The following PPP3CA variants were observed in gnomAD, a reference collection of about 807,000 sequenced individuals.
PPP3CA encodes the protein CAM-PRP catalytic subunit.
In PPP3CA, 14 loss-of-function variants were observed where a neutral mutation model predicts 66.5. That is an observed-to-expected ratio of 0.21 (90% CI 0.14 to 0.33). The LOEUF (loss-of-function observed/expected upper bound fraction) is 0.33. Ranked by LOEUF, PPP3CA falls within the 10% of genes least tolerant of loss-of-function variation. The pLI is 1.00. For missense variants in PPP3CA, 317 were observed against 639.5 expected, an observed-to-expected ratio of 0.50 and a Z score of 5.44; for synonymous variants, 232 against 226.2, an observed-to-expected ratio of 1.03 and a Z score of -0.23.
intron 2 of PPP3CA, among the ~76,000 whole-genome samples, chr4:101,132,413 G>T (rs948777776): frequency 6.6e-6 from 1 of 151,926 alleles, no homozygotes; most frequent in Non-Finnish European, 1.5e-5. Context: ...AATGATAAAG[G>T]GGTGATCACC....
chr4:101,154,330 A>G (rs1188042163), intron 2 of PPP3CA, among the ~76,000 whole-genome samples: 1 of 152,230 alleles, frequency 6.6e-6, no homozygotes, highest in Non-Finnish European at 1.5e-5. Context: ...CCAAAGTAAC[A>G]TATCAAGTAA....
chr4:101,263,747 T>C (rs972190124), intron 1 of PPP3CA, among the ~76,000 whole-genome samples: 2 of 152,142 alleles, frequency 1.3e-5, no homozygotes, highest in Non-Finnish European at 2.9e-5. Flanking sequence ...TTGTCAGTTC[T>C]TTTGTTCAGA....
chr4:101,158,086 A>C (rs1448709306), intron 2 of PPP3CA: 3 of 152,220 alleles, frequency 2.0e-5, no homozygotes, highest in Non-Finnish European at 1.5e-5. Flanking sequence ...TTTGCACGAG[A>C]AGCTTTCAGA....
chr4:101,161,670 G>A lies in PPP3CA; in HGVS notation c.259+34246C>T, dbSNP rs146227342. The stretch of plus-strand genomic sequence containing the variant: ...ATCTCTTTTTAACACATACAGGTGA[G>A]AGCTTTACAATACTTGGTAAACAAT... On this transcript the variant is annotated intron_variant, in intron 2 of 13. Coordinates refer to ENST00000394854, the MANE Select transcript of PPP3CA (RefSeq NM_000944.5). Among the ~76,000 whole-genome samples the A allele has an allele frequency of 5.4e-3, 825 of 152,248 alleles. 3 individuals are homozygous for A. Among genetic ancestry groups the A allele is most frequent in the Non-Finnish European group, 9.5e-3 (645 of 68,028 alleles).
Position 101,168,418 on chromosome 4 carries a change from G to A in PPP3CA, c.259+27498C>T, listed in dbSNP as rs559193778. ...TGAGACTGGACAGAGGAAAGGACCG[G>A]GCTAAAGATGAGAATATTTAGGAAT... On this transcript the variant is annotated intron_variant, in intron 2 of 13. Coordinates refer to ENST00000394854, the MANE Select transcript of PPP3CA (RefSeq NM_000944.5). 2.0e-4 allele frequency among the ~76,000 whole-genome samples: 31 copies of A among 152,196 alleles called. No homozygotes were observed. In the South Asian group the frequency reaches 5.8e-3, roughly 29 times the overall value.
chr4:101,037,678 A>C (rs922339800), intron 11 of PPP3CA, among the ~76,000 whole-genome samples: 1 of 152,076 alleles, frequency 6.6e-6, no homozygotes, highest in Admixed American at 6.5e-5. Context: ...TGCAATTAAC[A>C]TGTATAGTGA....
At chr4:101,084,189 T>C (rs967857164) in intron 6 of PPP3CA, among the ~76,000 whole-genome samples, 1 of 152,150 alleles carries the variant, frequency 6.6e-6, no homozygotes, top group Non-Finnish European at 1.5e-5. Flanking sequence ...TTAAACTATA[T>C]ACCATTGAAA....
chr4:101,309,587 T>G (rs540285768), intron 1 of PPP3CA, among the ~76,000 whole-genome samples: 2 of 152,246 alleles, frequency 1.3e-5, no homozygotes, highest in South Asian at 4.1e-4. Context: ...TGGAACACTA[T>G]AAAGAAAGAT....
intron 1 of PPP3CA, among the ~76,000 whole-genome samples, chr4:101,325,095 C>T (rs1560718565): frequency 6.6e-6 from 1 of 152,052 alleles, no homozygotes; most frequent in Non-Finnish European, 1.5e-5. Flanking sequence ...GAAAAAGATG[C>T]TGGAGGCTTA....
chr4:101,140,547 C>T (rs1348679343), intron 2 of PPP3CA, among the ~76,000 whole-genome samples: 1 of 152,076 alleles, frequency 6.6e-6, no homozygotes, highest in African/African-American at 2.4e-5. Context: ...ATTATCTTCT[C>T]TGGGTAAGAT....
chr4:101,235,182 T>C (rs769568055), intron 1 of PPP3CA, among the ~76,000 whole-genome samples: 37 of 151,824 alleles, frequency 2.4e-4, no homozygotes, highest in Non-Finnish European at 1.8e-4. Context: ...ATTTACACAA[T>C]TTAAGAAACT....
chr4:101,130,950 G>T (rs915635234), intron 2 of PPP3CA, among the ~76,000 whole-genome samples: 5 of 152,072 alleles, frequency 3.3e-5, no homozygotes, highest in African/African-American at 1.2e-4. Context: ...GACTGGGCTG[G>T]GTGTGGTGGC....
chr4:101,325,758 T>C (rs1729187736), intron 1 of PPP3CA, among the ~76,000 whole-genome samples: 3 of 152,222 alleles, frequency 2.0e-5, no homozygotes, highest in African/African-American at 7.2e-5. Flanking sequence ...TGTCATGCTC[T>C]TTTATACCTT....
intron 2 of PPP3CA, among the ~76,000 whole-genome samples, chr4:101,146,743 G>A (rs989053721): frequency 6.6e-6 from 1 of 152,058 alleles, no homozygotes; most frequent in South Asian, 2.1e-4. Context: ...GCCTGGCCAA[G>A]AACCACATTT....
At chr4:101,038,571 T>C (rs979698539) in intron 11 of PPP3CA, among the ~76,000 whole-genome samples, 1 of 151,996 alleles carries the variant, frequency 6.6e-6, no homozygotes, top group Non-Finnish European at 1.5e-5. Context: ...GGTTTCTCCA[T>C]GTTGCTCAGG....
At chr4:101,212,607 C>A (rs192803226) in intron 1 of PPP3CA, among the ~76,000 whole-genome samples, 1 of 152,006 alleles carries the variant, frequency 6.6e-6, no homozygotes, top group Admixed American at 6.6e-5. Context: ...GCACATGTAC[C>A]CCTAAATTTA....
At chr4:101,121,452 A>G (rs1176642328) in intron 2 of PPP3CA, among the ~76,000 whole-genome samples, 1 of 152,124 alleles carries the variant, frequency 6.6e-6, no homozygotes, top group African/African-American at 2.4e-5. Flanking sequence ...GTGTCTTTAA[A>G]AATCCTAAAT....
chr4:101,178,638 C>T (rs1309420056), intron 2 of PPP3CA, among the ~76,000 whole-genome samples: 1 of 151,994 alleles, frequency 6.6e-6, no homozygotes, highest in African/African-American at 2.4e-5. Context: ...CATAATTATC[C>T]AGAGTAAGTC....
rs553193366 is a variant in PPP3CA, at chr4:101,243,345, C to A, written c.59-47229G>T. On this transcript the variant is annotated intron_variant, in intron 1 of 13. Transcript: ENST00000394854. ...AGAACATATTGCCCATTCTGAACCA[C>A]GTATAAAAGCATTAGGCTAAGAAAC... 3.9e-5 allele frequency among the ~76,000 whole-genome samples: 6 copies of A among 152,206 alleles called. 1 individual carries two copies. The South Asian group carries it at 1.0e-3, about 26-fold the overall frequency.
Sources: allele counts gnomAD v4.1 joint callset (sites outside exome capture counted in the v4.1 genomes callset), GRCh38; gene constraint gnomAD v4.1.1; transcripts MANE v1.5; gene names NCBI Gene and HGNC (gene_info 2026-07-23, HGNC 2026-07-21).